Variants in RFLNA observed in about 807,000 individuals in gnomAD.
RFLNA encodes refilin A, also known as refilin-A.
RFLNA carries 5 observed loss-of-function variants against 7.8 expected under a neutral mutation model. That is an observed-to-expected ratio of 0.64 (90% confidence interval 0.34 to 1.35). RFLNA has a LOEUF of 1.35. RFLNA is among the 40% of genes most tolerant of loss of function. The pLI is 0.04. For synonymous variants in RFLNA, 141 were observed against 131.3 expected (o/e 1.07, Z -0.50); for missense variants, 278 against 305.5 (o/e 0.91, Z 0.67).
intron 1 of RFLNA, 135 bp downstream of exon 1, chr12:124,295,771 G>A: frequency 1.1e-6 from 1 of 942,332 alleles, no homozygotes; most frequent in Non-Finnish European, 1.4e-6. Context: ...AAGGTGGCCA[G>A]TGACAGCCAC....
At chr12:124,313,611 G>A (rs1356563344) in intron 2 of RFLNA, among the ~76,000 whole-genome samples, 2 of 151,956 alleles carry the variant, frequency 1.3e-5, no homozygotes, top group East Asian at 3.9e-4. Context: ...CCTGGGAGGC[G>A]GAGCTTGCAG....
At chr12:124,301,839 T>G (rs1436626515) in intron 1 of RFLNA, among the ~76,000 whole-genome samples, 1 of 152,184 alleles carries the variant, frequency 6.6e-6, no homozygotes, top group Non-Finnish European at 1.5e-5. Flanking sequence ...TGTGGGTCCC[T>G]GCACTCACTT....
At chr12:124,312,784 C>A (rs2034268437) in intron 2 of RFLNA, among the ~76,000 whole-genome samples, 1 of 20,848 alleles carries the variant, frequency 4.8e-5, no homozygotes, top group Non-Finnish European at 1.1e-4. Context: ...GTATTGGGTG[C>A]CCTCCCATGC....
intron 1 of RFLNA, among the ~76,000 whole-genome samples, chr12:124,301,242 T>G (rs1203040193): frequency 6.6e-6 from 1 of 152,188 alleles, no homozygotes; most frequent in Admixed American, 6.5e-5. Context: ...CCGGGTGAAC[T>G]GGCCTCCAGT....
upstream of RFLNA, among the ~76,000 whole-genome samples, chr12:124,293,369 G>A (rs531019165): frequency 5.9e-5 from 9 of 152,132 alleles, no homozygotes; most frequent in East Asian, 1.9e-4. Flanking sequence ...AGTTCTTGCC[G>A]AAGACTTTCT....
At position 124,295,121 on chromosome 12, in the gene RFLNA, C is replaced by A. The variant is rs1314281539; in HGVS notation, c.-309C>A. ...GAGGGCCGGGCGGCAACGTGCGCCTCGGGGCTGGGCCGGCCTGCGGGATCG... is the reference window on the plus strand; with the variant it reads ...GAGGGCCGGGCGGCAACGTGCGCCTAGGGGCTGGGCCGGCCTGCGGGATCG... On this transcript the variant is annotated 5_prime_UTR_variant, in exon 1 of 3. Transcript: ENST00000546355. The A allele has an allele frequency of 6.6e-6, 1 of 151,642 alleles. No individual in the cohort carries two copies. Among genetic ancestry groups the A allele is most frequent in the African/African-American group, 2.4e-5 (1 of 41,348 alleles). The allele number at this position is 151,642 out of a possible 1,614,324, so 9.4% of individuals were successfully genotyped here. A position where few individuals can be genotyped will look rare whatever the true frequency, so the allele number is the denominator to read the frequency against.
intron 1 of RFLNA, among the ~76,000 whole-genome samples, chr12:124,309,648 G>C (rs899045755): frequency 5.9e-5 from 9 of 152,226 alleles, no homozygotes; most frequent in Non-Finnish European, 1.2e-4. Flanking sequence ...TGAGCCCTTG[G>C]AGCGGGCACG....
At chr12:124,311,232 T>C (rs1268808992) in intron 1 of RFLNA, among the ~76,000 whole-genome samples, 3 of 152,234 alleles carry the variant, frequency 2.0e-5, no homozygotes, top group Non-Finnish European at 1.5e-5. Flanking sequence ...CTAGAAGATG[T>C]GGATGCTGGG....
At position 124,289,633 on chromosome 12, in the gene RFLNA, G is replaced by T. The variant is rs1355057047; in HGVS notation, c.-37+263G>T. Reference sequence around the variant, plus strand: ...CTGGTTTTATGAGTGGACACCCAGGGCATGGGCCCTGACCCCCAGACAGCT... The same window carrying T: ...CTGGTTTTATGAGTGGACACCCAGGTCATGGGCCCTGACCCCCAGACAGCT... On this transcript the variant is annotated intron_variant, in intron 1 of 2. Coordinates refer to the RFLNA transcript ENST00000324038. This position sits in a 1 kb window ranked among gnomAD's most constrained non-coding sequence, Gnocchi z 5.0. Among the ~76,000 whole-genome samples the T allele has an allele frequency of 6.6e-6, 1 of 152,238 alleles. No homozygotes were observed. The highest frequency in any genetic ancestry group is 2.4e-5 in the African/African-American group (1 of 41,456).
chr12:124,315,430 G>A lies in RFLNA; in HGVS notation c.*905G>A, dbSNP rs369423062. ...GTGTGAGGCCGGGTCTGAACTCGAG[G>A]GAGTCGGAGCTCAGCTGTCGGTTTA... On this transcript the variant is annotated 3_prime_UTR_variant, in exon 3 of 3. Transcript: ENST00000546355. 6.6e-5 allele frequency: 10 copies of A among 152,352 alleles called. No homozygotes were observed. Among genetic ancestry groups the A allele is most frequent in the Middle Eastern group, 3.2e-3 (1 of 316 alleles). The allele number at this position is 152,352 out of a possible 1,614,324, so 9.4% of individuals were successfully genotyped here.
chr12:124,303,586 GT>G (rs2034085452), intron 1 of RFLNA, among the ~76,000 whole-genome samples: 1 of 152,176 alleles, frequency 6.6e-6, no homozygotes, highest in African/African-American at 2.4e-5. Context: ...ACCCTCCTGT[GT>G]GCCCGAGAAG....
intron 2 of RFLNA, among the ~76,000 whole-genome samples, 188 bp from the exon 3 acceptor site, chr12:124,314,004 T>C (rs1157932607): frequency 2.0e-5 from 3 of 152,156 alleles, no homozygotes; most frequent in Non-Finnish European, 2.9e-5. Context: ...CTCGCCTCTT[T>C]AGTCTCTGTG....
Position 124,315,216 on chromosome 12 carries a change from G to C in RFLNA, c.*691G>C, listed in dbSNP as rs765629925. ...AGCCATGGCCTTGCCAGTGTCCCGT[G>C]CCCTCCAGTGTCAAAGATTTGGGGC... On this transcript the variant is annotated 3_prime_UTR_variant, in exon 3 of 3. Coordinates refer to ENST00000546355, the MANE Select transcript of RFLNA (RefSeq NM_001365156.1). The C allele has an allele frequency of 3.1e-5, 5 of 160,142 alleles. No individual in the cohort carries two copies. The highest frequency in any genetic ancestry group is 6.9e-5 in the Non-Finnish European group (5 of 72,742). 9.9% of individuals were successfully genotyped at this position (160,142 alleles called of 1,614,324 possible). A position where few individuals can be genotyped will look rare whatever the true frequency, so the allele number is the denominator to read the frequency against.
At chr12:124,297,341 G>A (rs1441420370) in intron 1 of RFLNA, among the ~76,000 whole-genome samples, 1 of 152,058 alleles carries the variant, frequency 6.6e-6, no homozygotes, top group Admixed American at 6.6e-5. Flanking sequence ...ATGAAACTGT[G>A]TTGCCCTGAT....
chr12:124,313,222 G>T (rs979364392), intron 2 of RFLNA, among the ~76,000 whole-genome samples: 9 of 152,248 alleles, frequency 5.9e-5, no homozygotes, highest in Middle Eastern at 6.8e-3. Flanking sequence ...CACCTCTGGG[G>T]GTTCAGTGGG....
chr12:124,312,482 T>C (rs1052104410), intron 2 of RFLNA, among the ~76,000 whole-genome samples: 3 of 151,966 alleles, frequency 2.0e-5, no homozygotes, highest in Non-Finnish European at 4.4e-5. Context: ...AGCTAATTTT[T>C]GTATTTTTTG....
intron 1 of RFLNA, among the ~76,000 whole-genome samples, chr12:124,299,229 T>C (rs2033984670): frequency 6.6e-6 from 1 of 152,250 alleles, no homozygotes; most frequent in Non-Finnish European, 1.5e-5. Context: ...GTGTAGGGCG[T>C]GTCTCCATGC....
At chr12:124,308,027 G>A (rs2034167729) in intron 1 of RFLNA, among the ~76,000 whole-genome samples, 1 of 151,348 alleles carries the variant, frequency 6.6e-6, no homozygotes, top group African/African-American at 2.4e-5. Context: ...TGTTGCCCAG[G>A]CTGGAGTACA....
intron 1 of RFLNA, among the ~76,000 whole-genome samples, chr12:124,305,695 A>C (rs10846652): frequency 0.22 from 32,808 of 152,176 alleles, 5,094 homozygotes; most frequent in African/African-American, 0.42. Context: ...CCCCCTGGAA[A>C]GCTGTGATGA....
Sources: allele counts gnomAD v4.1 joint callset (sites outside exome capture counted in the v4.1 genomes callset), GRCh38; gene constraint gnomAD v4.1.1; non-coding constraint Gnocchi (gnomAD v3.1); transcripts MANE v1.5; gene names NCBI Gene and HGNC (gene_info 2026-07-23, HGNC 2026-07-21).